Variants in ATXN1 observed in about 807,000 individuals in gnomAD.
ATXN1 encodes the protein ataxin 1, also known as ataxin-1.
ATXN1 carries 8 observed loss-of-function variants against 56.4 expected under a neutral mutation model. That is an observed-to-expected ratio of 0.14 (90% CI 0.08 to 0.26). The LOEUF (loss-of-function observed/expected upper bound fraction) is 0.26. Ranked by LOEUF, ATXN1 falls within the 10% of genes least tolerant of loss-of-function variation. The pLI, the probability that ATXN1 is intolerant of heterozygous loss-of-function variation, is 1.00. For synonymous variants in ATXN1, 514 were observed against 494.6 expected, an observed-to-expected ratio of 1.04 and a Z score of -0.52; for missense variants, 987 against 1,106.5, an observed-to-expected ratio of 0.89 and a Z score of 1.53.
intron 6 of ATXN1, among the ~76,000 whole-genome samples, chr6:16,364,368 G>A (rs368921895): frequency 1.8e-4 from 28 of 151,922 alleles, no homozygotes; most frequent in East Asian, 7.7e-4. Flanking sequence ...GCAGTGGCGC[G>A]ATCTCAGCTC....
At chr6:16,474,905 C>T (rs540836774) in intron 6 of ATXN1, among the ~76,000 whole-genome samples, 2 of 152,058 alleles carry the variant, frequency 1.3e-5, no homozygotes, top group South Asian at 2.1e-4. Flanking sequence ...AAAGAAGATA[C>T]AAGAATGTAG....
At chr6:16,502,237 G>A (rs914463716) in intron 5 of ATXN1, among the ~76,000 whole-genome samples, 2 of 152,200 alleles carry the variant, frequency 1.3e-5, no homozygotes, top group African/African-American at 4.8e-5. Flanking sequence ...ACTTCTCAAA[G>A]TGCTGTTTAA....
At chr6:16,307,482 A>T (rs575071022) in intron 7 of ATXN1, among the ~76,000 whole-genome samples, 1 of 152,142 alleles carries the variant, frequency 6.6e-6, no homozygotes, top group Admixed American at 6.5e-5. Flanking sequence ...CAGCCTGGCC[A>T]ACATGGGGAA....
chr6:16,341,412 C>T (rs992090728), intron 6 of ATXN1, among the ~76,000 whole-genome samples: 9 of 151,894 alleles, frequency 5.9e-5, no homozygotes, highest in Non-Finnish European at 8.8e-5. Flanking sequence ...CCCAGACCAA[C>T]TGAATAAGAA....
intron 6 of ATXN1, among the ~76,000 whole-genome samples, chr6:16,372,769 A>G (rs575224194): frequency 6.6e-6 from 1 of 152,252 alleles, no homozygotes; most frequent in East Asian, 1.9e-4. Context: ...GGTAAAAATT[A>G]GCTGGGCGTG....
chr6:16,346,052 T>C (rs1056123745), intron 6 of ATXN1, among the ~76,000 whole-genome samples: 1 of 152,174 alleles, frequency 6.6e-6, no homozygotes, highest in African/African-American at 2.4e-5. Context: ...GGCGGTTCTA[T>C]ATTCTTTTAA....
chr6:16,708,377 C>G (rs1759450221), intron 2 of ATXN1, among the ~76,000 whole-genome samples: 1 of 32,796 alleles, frequency 3.0e-5, no homozygotes. Flanking sequence ...AAAAGGGAAG[C>G]TTAAAAATTC....
chr6:16,703,095 T>A (rs1236426206), intron 2 of ATXN1, among the ~76,000 whole-genome samples: 4 of 152,126 alleles, frequency 2.6e-5, no homozygotes, highest in Non-Finnish European at 5.9e-5. Flanking sequence ...TGTCCAACAA[T>A]GATAAACTGC....
intron 6 of ATXN1, among the ~76,000 whole-genome samples, chr6:16,482,566 C>G (rs1760460862): frequency 6.6e-6 from 1 of 152,168 alleles, no homozygotes; most frequent in African/African-American, 2.4e-5. Flanking sequence ...ATCACTTTCT[C>G]CTTGCTTAGA....
At chr6:16,737,624 T>G (rs1760182092) in intron 2 of ATXN1, 1 of 152,258 alleles carries the variant, frequency 6.6e-6, no homozygotes, top group Non-Finnish European at 1.5e-5. Flanking sequence ...GCCAGCAGCC[T>G]TAAGCACAGG....
Position 16,577,958 on chromosome 6 carries a change from C to T in ATXN1, c.-361+7822G>A, listed in dbSNP as rs1435481243. On this transcript the variant is annotated intron_variant, in intron 4 of 7. Transcript: ENST00000436367. ...AACCCTCAGATTTTGAGTGATTTCC[C>T]TAAGGTCACAAAGCTGATAAGTTGC... 2.6e-5 allele frequency among the ~76,000 whole-genome samples: 4 copies of T among 152,126 alleles called. No homozygotes were observed. The East Asian group carries it at 7.7e-4, about 29-fold the overall frequency.
At position 16,670,572 on chromosome 6, in the gene ATXN1, G is replaced by A. The variant is rs1226989117; in HGVS notation, c.-614-12671C>T. Among the ~76,000 whole-genome samples, 14 of 152,224 alleles carry A rather than the reference G, an allele frequency of 9.2e-5. No homozygotes were observed. The South Asian group carries it at 2.1e-3, about 23-fold the overall frequency. On this transcript the variant is annotated intron_variant, in intron 2 of 7. Coordinates refer to ENST00000436367, the MANE Select transcript of ATXN1 (RefSeq NM_001128164.2). ...CAAGATTTTATTCAGATTTCCTTCC[G>A]TTTTTACTTGGCTCATCTATATTTT...
At chr6:16,590,198 T>C (rs1001375288) in intron 3 of ATXN1, among the ~76,000 whole-genome samples, 5 of 152,192 alleles carry the variant, frequency 3.3e-5, no homozygotes, top group Admixed American at 2.0e-4. Context: ...TGCCATAAAA[T>C]GTCTGAATTA....
In ATXN1 at chr6:16,527,286, G is replaced by A. The variant is rs545426511; in HGVS notation, c.-360-4598C>T. Among the ~76,000 whole-genome samples, 307 of 152,134 alleles carry A rather than the reference G, an allele frequency of 2.0e-3. 1 individual carries two copies. Among genetic ancestry groups the A allele is most frequent in the Non-Finnish European group, 3.3e-3 (222 of 67,998 alleles). On this transcript the variant is annotated intron_variant, in intron 4 of 7. Coordinates refer to ENST00000436367, the MANE Select transcript of ATXN1 (RefSeq NM_001128164.2). ...AGGCTGGGGAAGTGAGCATATCCCC[G>A]CAATGGGCAGAGTGTGTGGAAATCG...
chr6:16,636,059 G>A (rs1763591922), intron 3 of ATXN1, among the ~76,000 whole-genome samples: 1 of 152,110 alleles, frequency 6.6e-6, no homozygotes, highest in Non-Finnish European at 1.5e-5. Context: ...GACACCACGG[G>A]CACTTCCAAC....
At chr6:16,431,447 T>C (rs1759282655) in intron 6 of ATXN1, among the ~76,000 whole-genome samples, 1 of 152,166 alleles carries the variant, frequency 6.6e-6, no homozygotes. Context: ...AAGTGCTTTA[T>C]AACAACTTGG....
At chr6:16,616,251 G>A (rs1763206568) in intron 3 of ATXN1, 1 of 151,994 alleles carries the variant, frequency 6.6e-6, no homozygotes, top group African/African-American at 2.4e-5. Flanking sequence ...CAATATTATG[G>A]TCAGTTGACC....
At chr6:16,309,852 G>A (rs1760347595) in intron 7 of ATXN1, among the ~76,000 whole-genome samples, 1 of 151,924 alleles carries the variant, frequency 6.6e-6, no homozygotes, top group African/African-American at 2.4e-5. Flanking sequence ...TGGCCAACAT[G>A]GTGAAACCCC....
chr6:16,504,993 C>CTTTTTTTTTTTTTTTTTTTTTTTTT (rs34197922), intron 5 of ATXN1, among the ~76,000 whole-genome samples: 4 of 135,316 alleles, frequency 3.0e-5, no homozygotes, highest in African/African-American at 5.7e-5. Flanking sequence ...CTCCTGTTTC[C>CTTTTTTTTTTTTTTTTTTTTTTTTT]TTTTTTTTTT....
Sources: allele counts gnomAD v4.1 joint callset (sites outside exome capture counted in the v4.1 genomes callset), GRCh38; gene constraint gnomAD v4.1.1; transcripts MANE v1.5; gene names NCBI Gene and HGNC (gene_info 2026-07-23, HGNC 2026-07-21).